Variants in SHISA9 observed in about 807,000 individuals in gnomAD.
SHISA9 encodes the protein protein shisa-9.
In SHISA9, 13 loss-of-function variants were observed where a neutral mutation model predicts 38.0. That is an observed-to-expected ratio of 0.34 (90% CI 0.22 to 0.54). SHISA9 has a LOEUF of 0.54. Ranked by LOEUF, SHISA9 falls within the 20% of genes least tolerant of loss-of-function variation. The probability of loss-of-function intolerance (pLI) is 0.91; values close to 1 mark genes in which losing one functional copy is unlikely to be tolerated. For missense variants in SHISA9, 538 were observed against 575.8 expected (o/e 0.93, Z 0.67); for synonymous variants, 275 against 242.0 (o/e 1.14, Z -1.27).
intron 1 of SHISA9, among the ~76,000 whole-genome samples, chr16:12,914,976 G>C (rs1259315072): frequency 6.6e-6 from 1 of 152,192 alleles, no homozygotes; most frequent in African/African-American, 2.4e-5. Flanking sequence ...GACAGGCTGG[G>C]CCTGCTGAAT....
At chr16:13,022,130 C>T (rs1030963835) in intron 2 of SHISA9, among the ~76,000 whole-genome samples, 9 of 151,990 alleles carry the variant, frequency 5.9e-5, no homozygotes, top group South Asian at 2.1e-4. Context: ...TCTGTATCTG[C>T]GTGTCTCAAA....
the SHISA9 span, among the ~76,000 whole-genome samples, chr16:13,519,968 T>C: frequency 3.3e-5 from 5 of 152,020 alleles, no homozygotes; most frequent in African/African-American, 1.2e-4. Context: ...TTCATGAAAA[T>C]GTACTGCAAC....
the SHISA9 span, among the ~76,000 whole-genome samples, chr16:13,514,789 C>G: frequency 6.6e-6 from 1 of 151,904 alleles, no homozygotes; most frequent in African/African-American, 2.4e-5. Flanking sequence ...AACTATAAAC[C>G]CATTGATCCA....
intron 1 of SHISA9, among the ~76,000 whole-genome samples, chr16:12,914,456 C>T (rs1267458305): frequency 6.6e-6 from 1 of 152,042 alleles, no homozygotes; most frequent in African/African-American, 2.4e-5. Context: ...ATCTTCAGGG[C>T]CTTATATAGT....
the SHISA9 span, among the ~76,000 whole-genome samples, chr16:13,515,650 T>C: frequency 6.6e-6 from 1 of 152,160 alleles, no homozygotes. Context: ...CACCAAGGTC[T>C]TATAGATAGG....
intron 2 of SHISA9, among the ~76,000 whole-genome samples, chr16:13,138,109 G>A (rs1049280624): frequency 2.6e-5 from 4 of 152,162 alleles, no homozygotes; most frequent in Admixed American, 1.3e-4. Context: ...TGGTGATGCC[G>A]CTAGTCCCTG....
chr16:13,246,681 T>G, the SHISA9 span, among the ~76,000 whole-genome samples: 5 of 152,160 alleles, frequency 3.3e-5, no homozygotes, highest in African/African-American at 1.2e-4. Flanking sequence ...AAGCAGTAAC[T>G]TCCTTTACCA....
chr16:13,220,266 T>C (rs1337203966), intron 4 of SHISA9, among the ~76,000 whole-genome samples: 1 of 152,108 alleles, frequency 6.6e-6, no homozygotes, highest in Non-Finnish European at 1.5e-5. Flanking sequence ...CTGGAATGAC[T>C]TGGGTGACTT....
At chr16:13,448,243 A>G in the SHISA9 span, among the ~76,000 whole-genome samples, 74,492 of 152,062 alleles carry the variant, frequency 0.49, 19,332 homozygotes, top group African/African-American at 0.65. Flanking sequence ...GAGAGCATGC[A>G]CATGTACCCT....
the SHISA9 span, among the ~76,000 whole-genome samples, chr16:13,535,653 GC>G: frequency 6.6e-6 from 1 of 152,150 alleles, no homozygotes; most frequent in Admixed American, 6.5e-5. Flanking sequence ...AAAGTTTGCT[GC>G]CCCCTGGTCT....
chr16:13,072,573 G>A lies in SHISA9; in HGVS notation c.692-130821G>A, dbSNP rs572284537. On this transcript the variant is annotated intron_variant, in intron 2 of 4. Transcript: ENST00000558583. ...TTTAGTTCTAGCAGCTCCTACGCTT[G>A]CATGTATCATCTCATTCAATCCTTT... is the stretch of plus-strand genomic sequence containing the variant. 6.6e-5 allele frequency among the ~76,000 whole-genome samples: 10 copies of A among 152,302 alleles called. No homozygotes were observed. In the South Asian group the frequency reaches 2.1e-3, roughly 32 times the overall value.
the SHISA9 span, among the ~76,000 whole-genome samples, chr16:13,267,767 G>A: frequency 2.6e-5 from 4 of 152,050 alleles, no homozygotes; most frequent in African/African-American, 9.7e-5. Context: ...AGGGAATAGT[G>A]CTTACATTTC....
chr16:13,264,135 A>C, the SHISA9 span, among the ~76,000 whole-genome samples: 2 of 151,096 alleles, frequency 1.3e-5, no homozygotes, highest in Admixed American at 6.6e-5. Context: ...CTACAACTCA[A>C]TAGGGGAGTT....
At chr16:13,548,077 C>G in the SHISA9 span, among the ~76,000 whole-genome samples, 1 of 152,052 alleles carries the variant, frequency 6.6e-6, no homozygotes, top group African/African-American at 2.4e-5. Flanking sequence ...TTAAAGCCAG[C>G]CAATTTTTGA....
chr16:13,194,724 A>C (rs550462490), intron 2 of SHISA9, among the ~76,000 whole-genome samples: 6 of 152,238 alleles, frequency 3.9e-5, no homozygotes, highest in Non-Finnish European at 8.8e-5. Context: ...TCAGGAAGAC[A>C]AGAAGAGAAA....
the SHISA9 span, among the ~76,000 whole-genome samples, chr16:13,437,174 G>T: frequency 2.0e-5 from 3 of 151,860 alleles, no homozygotes; most frequent in African/African-American, 7.3e-5. Context: ...AGGGATCTTT[G>T]GTTCACAAAA....
At chr16:13,262,435 G>T in the SHISA9 span, among the ~76,000 whole-genome samples, 1 of 151,996 alleles carries the variant, frequency 6.6e-6, no homozygotes, top group Non-Finnish European at 1.5e-5. Flanking sequence ...TTTAGCTTTC[G>T]CTGCACTCTG....
the SHISA9 span, among the ~76,000 whole-genome samples, chr16:13,438,272 T>C: frequency 6.6e-6 from 1 of 152,220 alleles, no homozygotes; most frequent in Non-Finnish European, 1.5e-5. Context: ...AATCATTTTC[T>C]TAAGATTCTG....
At chr16:13,434,264 T>C in the SHISA9 span, among the ~76,000 whole-genome samples, 519 of 152,228 alleles carry the variant, frequency 3.4e-3, 1 homozygote, top group African/African-American at 0.012. Flanking sequence ...TCCACCCAGA[T>C]TGAGGGTAGG....
Sources: gnomAD v4.1 joint callset for allele counts (sites outside exome capture counted in the v4.1 genomes callset) on GRCh38, gnomAD v4.1.1 for gene constraint, MANE v1.5 for transcripts, NCBI Gene and HGNC (gene_info 2026-07-23, HGNC 2026-07-21) for gene names.